The following SOX6 variants were observed in gnomAD, a reference collection of about 807,000 sequenced individuals.
The protein encoded by SOX6 is SRY-box transcription factor 6.
In SOX6, 11 loss-of-function variants were observed where a neutral mutation model predicts 97.8. That is an observed-to-expected ratio of 0.11 (90% confidence interval 0.07 to 0.19). The LOEUF is 0.19. Among genes scored for constraint, SOX6 ranks in the 10% least tolerant of loss-of-function variants. The pLI, the probability that SOX6 is intolerant of heterozygous loss-of-function variation, is 1.00. For missense variants in SOX6, 810 were observed against 1,039.5 expected (o/e 0.78, Z 3.04); for synonymous variants, 360 against 371.4 (o/e 0.97, Z 0.35).
chr11:16,430,942 A>G (rs1859260947), intron 1 of SOX6, among the ~76,000 whole-genome samples: 1 of 152,182 alleles, frequency 6.6e-6, no homozygotes, highest in Non-Finnish European at 1.5e-5. Flanking sequence ...CAAAGCCTTT[A>G]CAATGGTTTA....
At chr11:16,322,527 T>C (rs1855959314) in intron 2 of SOX6, among the ~76,000 whole-genome samples, 1 of 152,172 alleles carries the variant, frequency 6.6e-6, no homozygotes, top group Non-Finnish European at 1.5e-5. Flanking sequence ...AGTGTGAGAA[T>C]GGTCTAAACC....
At chr11:16,506,116 T>A (rs117572938) in intron 4 of SOX6, among the ~76,000 whole-genome samples, 1,578 of 152,164 alleles carry the variant, frequency 0.01, 13 homozygotes, top group Non-Finnish European at 0.015. Flanking sequence ...GAATGGTAGA[T>A]CCACCAACAA....
At chr11:16,257,804 CAT>C (rs1405783988) in intron 3 of SOX6, among the ~76,000 whole-genome samples, 1 of 151,656 alleles carries the variant, frequency 6.6e-6, no homozygotes, top group Non-Finnish European at 1.5e-5. Flanking sequence ...TTGCAAAAGA[CAT>C]ATCTGATAAA....
intron 4 of SOX6, among the ~76,000 whole-genome samples, chr11:16,518,264 CTTTA>C (rs1861005059): frequency 6.6e-6 from 1 of 152,110 alleles, no homozygotes; most frequent in Non-Finnish European, 1.5e-5. Flanking sequence ...CCCTTCAGGG[CTTTA>C]TTTATGTTCC....
chr11:16,373,871 G>A (rs1857569616), intron 1 of SOX6, among the ~76,000 whole-genome samples: 1 of 20,126 alleles, frequency 5.0e-5, no homozygotes, highest in African/African-American at 1.2e-4. Flanking sequence ...AAGGAAGGAA[G>A]GAAGGAAGGA....
chr11:16,698,503 C>T (rs978768444), intron 3 of SOX6, among the ~76,000 whole-genome samples: 1 of 152,160 alleles, frequency 6.6e-6, no homozygotes, highest in African/African-American at 2.4e-5. Context: ...GGTTTCCTAC[C>T]ATTCTTGTGT....
intron 4 of SOX6, among the ~76,000 whole-genome samples, chr11:16,580,548 C>T (rs961668343): frequency 9.2e-5 from 14 of 152,188 alleles, no homozygotes; most frequent in South Asian, 2.1e-4. Context: ...GTATGTTCAT[C>T]GCAGCACTAT....
At chr11:16,654,303 G>A (rs571372915) in intron 3 of SOX6, among the ~76,000 whole-genome samples, 10 of 152,220 alleles carry the variant, frequency 6.6e-5, no homozygotes, top group Middle Eastern at 3.4e-3. Flanking sequence ...CAAGTAGCTA[G>A]GACTACAGGC....
At chr11:16,035,127 T>C (rs1855484551) in intron 12 of SOX6, among the ~76,000 whole-genome samples, 1 of 152,168 alleles carries the variant, frequency 6.6e-6, no homozygotes, top group African/African-American at 2.4e-5. Context: ...CATTGTGCAG[T>C]CACATGCACA....
intron 3 of SOX6, among the ~76,000 whole-genome samples, chr11:16,307,273 A>G (rs925759635): frequency 2.0e-5 from 3 of 152,236 alleles, no homozygotes; most frequent in African/African-American, 7.2e-5. Flanking sequence ...TAACACCAAT[A>G]AGAAGCAAAA....
intron 3 of SOX6, among the ~76,000 whole-genome samples, chr11:16,262,769 C>A (rs1853941725): frequency 6.6e-6 from 1 of 151,994 alleles, no homozygotes; most frequent in Admixed American, 6.6e-5. Context: ...GTGGTAACAT[C>A]TTGAGTTCAG....
At chr11:16,431,438 A>G (rs576654877) in intron 1 of SOX6, among the ~76,000 whole-genome samples, 7 of 152,160 alleles carry the variant, frequency 4.6e-5, no homozygotes, top group Non-Finnish European at 1.0e-4. Flanking sequence ...AAAATAAACA[A>G]TTTATACAGC....
At chr11:16,538,321 G>A (rs927035602) in intron 4 of SOX6, among the ~76,000 whole-genome samples, 2 of 152,136 alleles carry the variant, frequency 1.3e-5, no homozygotes, top group African/African-American at 4.8e-5. Context: ...AGCTCCTGAA[G>A]GAAGCACTAA....
chr11:16,433,231 A>G (rs1859303530), intron 1 of SOX6, among the ~76,000 whole-genome samples: 1 of 152,084 alleles, frequency 6.6e-6, no homozygotes, highest in Non-Finnish European at 1.5e-5. Flanking sequence ...ATAACAAAAC[A>G]CATCCATTCG....
chr11:16,725,797 A>G (rs1181486791), intron 2 of SOX6, among the ~76,000 whole-genome samples: 1 of 152,184 alleles, frequency 6.6e-6, no homozygotes, highest in Non-Finnish European at 1.5e-5. Context: ...AGGAAAATTA[A>G]GTGTTTTTTA....
At chr11:16,642,503 G>T (rs1848934115) in intron 3 of SOX6, among the ~76,000 whole-genome samples, 2 of 152,116 alleles carry the variant, frequency 1.3e-5, no homozygotes, top group Non-Finnish European at 2.9e-5. Flanking sequence ...ATAATATCCT[G>T]CAGTGTTTTC....
intron 3 of SOX6, among the ~76,000 whole-genome samples, chr11:16,683,094 C>G (rs1373196480): frequency 6.6e-6 from 1 of 152,172 alleles, no homozygotes; most frequent in African/African-American, 2.4e-5. Flanking sequence ...AGGACACAAA[C>G]AAATGGAAGA....
intron 4 of SOX6, among the ~76,000 whole-genome samples, chr11:16,519,153 A>G (rs1385206870): frequency 1.3e-5 from 2 of 152,332 alleles, no homozygotes; most frequent in Middle Eastern, 3.4e-3. Context: ...AGATCAAAGA[A>G]GAAAAAAACA....
chr11:16,515,178 T>C (rs1389626598), intron 4 of SOX6, among the ~76,000 whole-genome samples: 4 of 151,784 alleles, frequency 2.6e-5, no homozygotes, highest in African/African-American at 9.7e-5. Context: ...GTAAAAGTGT[T>C]CCTATTTCTC....
Sources: allele counts gnomAD v4.1 joint callset (sites outside exome capture counted in the v4.1 genomes callset), GRCh38; gene constraint gnomAD v4.1.1; transcripts MANE v1.5; gene names NCBI Gene and HGNC (gene_info 2026-07-23, HGNC 2026-07-21).